Variants in ANLN observed in about 807,000 individuals in gnomAD.
ANLN encodes the protein anillin, actin binding protein, also known as anillin.
A neutral mutation model predicts 135.1 loss-of-function variants in ANLN; 59 were observed. The observed-to-expected ratio is 0.44, with a 90% CI of 0.35 to 0.54. The LOEUF is 0.54. Ranked by LOEUF, ANLN falls within the 20% of genes least tolerant of loss-of-function variation. The pLI, the probability that ANLN is intolerant of heterozygous loss-of-function variation, is 0.00. For missense variants in ANLN, 1,182 were observed against 1,340.0 expected (o/e 0.88, Z 1.84); for synonymous variants, 406 against 456.4 (o/e 0.89, Z 1.41).
At chr7:36,418,663 A>G (rs1195501937) in intron 9 of ANLN, among the ~76,000 whole-genome samples, 1 of 152,174 alleles carries the variant, frequency 6.6e-6, no homozygotes, top group African/African-American at 2.4e-5. Flanking sequence ...CTATTATTCT[A>G]CATTTGAGTT....
At chr7:36,406,117 T>G (rs889259173) in intron 3 of ANLN, 64 bp from the exon 4 acceptor site, 31 of 1,471,376 alleles carry the variant, frequency 2.1e-5, no homozygotes, top group Non-Finnish European at 2.8e-5. Context: ...AGAGTGATCC[T>G]GGTATTATAC....
At chr7:36,395,233 C>G (rs922832349) in intron 1 of ANLN, among the ~76,000 whole-genome samples, 1 of 152,156 alleles carries the variant, frequency 6.6e-6, no homozygotes, top group East Asian at 1.9e-4. Flanking sequence ...ATGGATTTTA[C>G]TGTGTTAAAA....
intron 7 of ANLN, among the ~76,000 whole-genome samples, chr7:36,411,771 T>G (rs906757800): frequency 6.6e-6 from 1 of 152,224 alleles, no homozygotes; most frequent in Non-Finnish European, 1.5e-5. Context: ...TTGAGAAAGA[T>G]CTACTTGATT....
intron 17 of ANLN, 66 bp downstream of exon 17, chr7:36,424,808 T>A (rs954559596): frequency 6.8e-6 from 10 of 1,461,220 alleles, no homozygotes; most frequent in Non-Finnish European, 9.3e-6. Context: ...CATACCAGTT[T>A]TAATTTATGT....
In ANLN at chr7:36,424,751, TAAAG is replaced by T. The variant is rs762234019; in HGVS notation, c.2709+13_2709+16del. 2.5e-6 allele frequency: 4 copies of T among 1,607,680 alleles called. No individual in the cohort carries two copies. The highest frequency in any genetic ancestry group is 2.2e-5 in the East Asian group (1 of 44,724). ...AAACATCCAAGTCCAAGGTGAGAAT[TAAAG>T]AAACCCAGTAAAAATATTTTCATCA... On this transcript the variant is annotated intron_variant, in intron 17 of 23. Transcript: ENST00000265748.
At chr7:36,391,248 A>G (rs971708178) in intron 1 of ANLN, among the ~76,000 whole-genome samples, 4 of 152,218 alleles carry the variant, frequency 2.6e-5, no homozygotes, top group South Asian at 2.1e-4. Context: ...TGCACCAAGT[A>G]TCTTTCACTT....
chr7:36,423,923 A>C lies in ANLN; in HGVS notation c.2583A>C (p.Thr861=). 1 of 1,612,016 alleles carries C rather than the reference A, an allele frequency of 6.2e-7. No individual in the cohort carries two copies. ...TSNSLNGDAL[T]FTTTFTLQDV... ...ACTCTCTTAACGGTGATGCTCTGACATTCACTACTACATTTACTCTGTAAG... is the reference window on the plus strand; with the variant it reads ...ACTCTCTTAACGGTGATGCTCTGACCTTCACTACTACATTTACTCTGTAAG... The change falls in exon 15 of 24, where the codon ACA becomes ACC. Residue 861 remains threonine, a synonymous_variant. Transcript: ENST00000265748.
chr7:36,434,545 A>T (rs1188127735), intron 20 of ANLN, among the ~76,000 whole-genome samples: 1 of 152,160 alleles, frequency 6.6e-6, no homozygotes, highest in African/African-American at 2.4e-5. Flanking sequence ...ATTTTCTTAC[A>T]TGTTTAGGTT....
At chr7:36,426,815 G>T in intron 19 of ANLN, 101 bp from the exon 20 acceptor site, 2 of 558,584 alleles carry the variant, frequency 3.6e-6, no homozygotes. Flanking sequence ...TTTTTTCTCT[G>T]TGGCAGCTTA....
At chr7:36,412,193 C>T (rs543692145) in intron 7 of ANLN, among the ~76,000 whole-genome samples, 28 of 151,478 alleles carry the variant, frequency 1.8e-4, no homozygotes, top group African/African-American at 4.1e-4. Context: ...CCACCTGCCT[C>T]GTCTTCCATA....
chr7:36,439,191 G>A lies in ANLN; in HGVS notation c.2884-13G>A, dbSNP rs1285886267. ...AACCTGTTTTGCAAATAATTTACCT[G>A]TTTTCTTTGCAGGTCCCCTTTTTAT... On this transcript the variant is annotated splice_polypyrimidine_tract_variant and intron_variant, in intron 20 of 23. Coordinates refer to ENST00000265748, the MANE Select transcript of ANLN (RefSeq NM_018685.5). 2 of 1,487,802 alleles carry A rather than the reference G, an allele frequency of 1.3e-6. No individual in the cohort carries two copies. Among genetic ancestry groups the A allele is most frequent in the South Asian group, 2.4e-5 (2 of 84,804 alleles). The allele number at this position is 1,487,802 out of a possible 1,614,324, so 92.2% of individuals were successfully genotyped here.
At chr7:36,447,379 C>T (rs941717804) in intron 22 of ANLN, among the ~76,000 whole-genome samples, 41 of 149,100 alleles carry the variant, frequency 2.7e-4, no homozygotes, top group Admixed American at 2.7e-3. Context: ...CAGATAGGGG[C>T]TACTTGAACA....
intron 7 of ANLN, among the ~76,000 whole-genome samples, chr7:36,414,437 G>A (rs575224996): frequency 2.7e-4 from 41 of 152,136 alleles, no homozygotes; most frequent in African/African-American, 9.4e-4. Context: ...CCTGTGTGAC[G>A]AAAAGGAAGG....
intron 22 of ANLN, 64 bp downstream of exon 22, chr7:36,443,926 A>T (rs1179490851): frequency 2.4e-5 from 27 of 1,138,898 alleles, no homozygotes; most frequent in Non-Finnish European, 3.3e-5. Context: ...TGTTCATGCA[A>T]ATGTTCCCTC....
At chr7:36,414,603 C>T (rs1212578956) in intron 7 of ANLN, among the ~76,000 whole-genome samples, 1 of 152,228 alleles carries the variant, frequency 6.6e-6, no homozygotes, top group East Asian at 1.9e-4. Context: ...CTGACTCAGA[C>T]ATAGGAAGAA....
At chr7:36,433,281 T>A (rs930345415) in intron 20 of ANLN, among the ~76,000 whole-genome samples, 1 of 152,214 alleles carries the variant, frequency 6.6e-6, no homozygotes, top group Admixed American at 6.5e-5. Flanking sequence ...CTGCTGGAAA[T>A]GAAATCTCTA....
At chr7:36,431,863 G>A (rs1161362924) in intron 20 of ANLN, among the ~76,000 whole-genome samples, 1 of 151,516 alleles carries the variant, frequency 6.6e-6, no homozygotes, top group African/African-American at 2.4e-5. Context: ...GCTAATAAAT[G>A]TCCCTTGTGG....
chr7:36,406,279 G>T lies in ANLN; in HGVS notation c.586G>T (p.Val196Phe), dbSNP rs1284371450. The T allele has an allele frequency of 6.2e-7, 1 of 1,614,156 alleles. No individual in the cohort carries two copies. The highest frequency in any genetic ancestry group is 8.5e-7 in the Non-Finnish European group (1 of 1,180,006). Residue 196 changes from valine to phenylalanine, a missense_variant, in exon 4 of 24, where the codon GTT becomes TTT. Transcript: ENST00000265748. ...GCTTTCAAATGCCTCGGCAACTCCA[G>T]TTGGCAGAAGGGGCCGTCTGGCCAA... ...PLLSNASATP[V>F]GRRGRLANLA...
At chr7:36,428,120 G>A (rs1301459621) in intron 20 of ANLN, among the ~76,000 whole-genome samples, 1 of 152,130 alleles carries the variant, frequency 6.6e-6, no homozygotes, top group Non-Finnish European at 1.5e-5. Context: ...TCTATGAAAT[G>A]CTTTCTTTTA....
Sources: gnomAD v4.1 joint callset for allele counts (sites outside exome capture counted in the v4.1 genomes callset) on GRCh38, gnomAD v4.1.1 for gene constraint, MANE v1.5 for transcripts, NCBI Gene and HGNC (gene_info 2026-07-23, HGNC 2026-07-21) for gene names.